The following RABGAP1 variants were observed in gnomAD, a reference collection of about 807,000 sequenced individuals.
RABGAP1 encodes the protein rab GTPase-activating protein 1.
A neutral mutation model predicts 137.6 loss-of-function variants in RABGAP1; 23 were observed. The observed-to-expected ratio is 0.17, with a 90% CI of 0.12 to 0.24. The LOEUF (loss-of-function observed/expected upper bound fraction) is 0.24, where lower values mean the gene tolerates loss of function less well. RABGAP1 is among the 10% of genes least tolerant of loss of function. RABGAP1 has a pLI of 1.00. For missense variants in RABGAP1, 906 were observed against 1,275.8 expected, an observed-to-expected ratio of 0.71 and a Z score of 4.42; for synonymous variants, 451 against 450.7, an observed-to-expected ratio of 1.00 and a Z score of -0.01.
intron 3 of RABGAP1, among the ~76,000 whole-genome samples, chr9:122,985,575 T>C (rs950968878): frequency 9.1e-5 from 12 of 132,156 alleles, no homozygotes; most frequent in Admixed American, 5.4e-4. Context: ...ATTGTTCCAC[T>C]GCACTTCAGC....
At chr9:123,092,276 A>C (rs919021704) in intron 21 of RABGAP1, among the ~76,000 whole-genome samples, 3 of 152,192 alleles carry the variant, frequency 2.0e-5, no homozygotes, top group African/African-American at 7.2e-5. Flanking sequence ...TTATCCTGAC[A>C]CAGTAGTGAG....
At chr9:122,954,505 G>C (rs1396658608) in intron 1 of RABGAP1, among the ~76,000 whole-genome samples, 1 of 152,198 alleles carries the variant, frequency 6.6e-6, no homozygotes, top group East Asian at 1.9e-4. Context: ...AATCTTCTCA[G>C]TTCCTTAGTG....
chr9:122,990,239 A>G, intron 6 of RABGAP1, 26 bp downstream of exon 6: 1 of 1,552,988 alleles, frequency 6.4e-7, no homozygotes. Context: ...TTATTCATGT[A>G]TTAACATGCT....
intron 8 of RABGAP1, chr9:122,997,045 C>T (rs1350732047): frequency 3.4e-6 from 2 of 581,978 alleles, no homozygotes; most frequent in Non-Finnish European, 6.2e-6. Flanking sequence ...AATGTGTATA[C>T]AATTTGATAT....
intron 2 of RABGAP1, among the ~76,000 whole-genome samples, chr9:122,960,009 T>C (rs922867961): frequency 3.3e-5 from 5 of 152,146 alleles, no homozygotes; most frequent in Non-Finnish European, 7.4e-5. Flanking sequence ...GCAGCCTTCT[T>C]AAAGGAATGG....
intron 6 of RABGAP1, among the ~76,000 whole-genome samples, chr9:122,991,759 T>C (rs1441091435): frequency 6.6e-6 from 1 of 151,952 alleles, no homozygotes; most frequent in Non-Finnish European, 1.5e-5. Context: ...CATGCCACTA[T>C]GTCTGGCTAA....
intron 10 of RABGAP1, among the ~76,000 whole-genome samples, chr9:123,010,077 A>G (rs921116222): frequency 2.6e-5 from 4 of 152,196 alleles, no homozygotes; most frequent in African/African-American, 9.6e-5. Flanking sequence ...TGGTTTGAAG[A>G]CAAACCAATA....
intron 13 of RABGAP1, among the ~76,000 whole-genome samples, chr9:123,026,575 G>C (rs2031983414): frequency 6.6e-6 from 1 of 152,142 alleles, no homozygotes; most frequent in African/African-American, 2.4e-5. Context: ...GTTTGATTAA[G>C]AGCTCCTCAA....
intron 1 of RABGAP1, among the ~76,000 whole-genome samples, chr9:122,950,384 T>TTC (rs1554782691): frequency 7.1e-6 from 1 of 141,094 alleles, no homozygotes; most frequent in Admixed American, 7.0e-5. Flanking sequence ...TTTCTTTTTT[T>TTC]TTTTTTTTTT....
At chr9:122,965,729 G>A (rs1300129540) in intron 2 of RABGAP1, among the ~76,000 whole-genome samples, 1 of 152,162 alleles carries the variant, frequency 6.6e-6, no homozygotes, top group Non-Finnish European at 1.5e-5. Context: ...ATTGACTTTG[G>A]TAGTTGCATG....
chr9:123,051,452 G>T (rs892986448), intron 13 of RABGAP1, among the ~76,000 whole-genome samples: 3 of 150,950 alleles, frequency 2.0e-5, no homozygotes, highest in Admixed American at 1.3e-4. Context: ...TCTCCACGTT[G>T]ATCAGACTGG....
rs759671940 is a variant in RABGAP1 at position 122,959,249 on chromosome 9, CAG to C, written c.150+2041_150+2042del. ...ATGAGGAGAACCACCCTTGCTAGGACAGGGGTTAGAGCAGAGTGAACAAAGTA... is the reference window on the plus strand; with the variant it reads ...ATGAGGAGAACCACCCTTGCTAGGACGGGTTAGAGCAGAGTGAACAAAGTA... On this transcript the variant is annotated intron_variant, in intron 2 of 25. Transcript: ENST00000373647. 8.1e-5 allele frequency among the ~76,000 whole-genome samples: 12 copies of C among 148,098 alleles called. No individual in the cohort carries two copies. In the East Asian group the frequency reaches 1.8e-3, roughly 22 times the overall value.
intron 9 of RABGAP1, 133 bp downstream of exon 9, chr9:122,997,494 C>T (rs1223933929): frequency 2.5e-5 from 13 of 526,098 alleles, no homozygotes; most frequent in Non-Finnish European, 3.8e-5. Context: ...AATAGTTCTT[C>T]ACTTTATTAT....
chr9:122,962,150 A>G (rs979653173), intron 2 of RABGAP1, among the ~76,000 whole-genome samples: 24 of 152,060 alleles, frequency 1.6e-4, no homozygotes, highest in African/African-American at 3.6e-4. Flanking sequence ...TAATGTTTCT[A>G]TTTCTCAGTG....
intron 21 of RABGAP1, among the ~76,000 whole-genome samples, chr9:123,090,815 T>G (rs1033428623): frequency 2.0e-5 from 3 of 152,230 alleles, no homozygotes; most frequent in East Asian, 1.9e-4. Context: ...AACTTGCAGT[T>G]TCATCAGGAG....
chr9:123,034,367 C>T (rs1264897695), intron 13 of RABGAP1: 3 of 577,262 alleles, frequency 5.2e-6, no homozygotes, highest in East Asian at 2.8e-5. Flanking sequence ...TGCTGGCTCT[C>T]CTTATTCCAG....
chr9:122,977,575 G>A (rs182610661), intron 2 of RABGAP1, among the ~76,000 whole-genome samples: 4 of 152,274 alleles, frequency 2.6e-5, no homozygotes, highest in East Asian at 3.9e-4. Flanking sequence ...GCGTGATGGC[G>A]CATGCCTGTA....
At chr9:123,102,546 G>A (rs2035374696) in intron 25 of RABGAP1, among the ~76,000 whole-genome samples, 1 of 152,198 alleles carries the variant, frequency 6.6e-6, no homozygotes, top group Admixed American at 6.5e-5. Context: ...TAGCTGTGCT[G>A]TGATCAAAGA....
At chr9:122,934,368 A>G in the RABGAP1 span, among the ~76,000 whole-genome samples, 5 of 151,910 alleles carry the variant, frequency 3.3e-5, no homozygotes, top group Non-Finnish European at 7.4e-5. Flanking sequence ...GTGAGCCACC[A>G]CGCCCGGCCT....
Sources: gnomAD v4.1 joint callset for allele counts (sites outside exome capture counted in the v4.1 genomes callset) on GRCh38, gnomAD v4.1.1 for gene constraint, MANE v1.5 for transcripts, NCBI Gene and HGNC (gene_info 2026-07-23, HGNC 2026-07-21) for gene names.